The following EXT1 variants were observed in gnomAD, a reference collection of about 807,000 sequenced individuals.
EXT1 encodes exostosin glycosyltransferase 1, also known as exostosin-1.
Under a neutral mutation model 82.5 loss-of-function variants are expected in EXT1, and 20 were observed. The ratio of observed to expected loss-of-function variants is 0.24; its 90% CI spans 0.17 to 0.35. The LOEUF is 0.35. Ranked by LOEUF, EXT1 falls within the 10% of genes least tolerant of loss-of-function variation. The pLI is 1.00. For synonymous variants in EXT1, 348 were observed against 350.8 expected, an observed-to-expected ratio of 0.99 and a Z score of 0.09; for missense variants, 757 against 936.5, an observed-to-expected ratio of 0.81 and a Z score of 2.50.
chr8:117,885,969 G>A (rs1813140804), intron 1 of EXT1, among the ~76,000 whole-genome samples: 1 of 152,144 alleles, frequency 6.6e-6, no homozygotes, highest in Non-Finnish European at 1.5e-5. Flanking sequence ...AGAATTTTGA[G>A]CCTATTGAAC....
chr8:118,109,792 C>T (rs989429546), intron 1 of EXT1, among the ~76,000 whole-genome samples: 4 of 152,104 alleles, frequency 2.6e-5, no homozygotes, highest in African/African-American at 9.7e-5. Flanking sequence ...GATCTAACCC[C>T]GACTCTTAAC....
At position 118,110,073 on chromosome 8, in the gene EXT1, C is replaced by A. The variant is rs748505088; in HGVS notation, c.962+12G>T. On this transcript the variant is annotated intron_variant, in intron 1 of 10. Coordinates refer to ENST00000378204, the MANE Select transcript of EXT1 (RefSeq NM_000127.3). ...GGCTGACTCCCAAAGACACGCCAGC[C>A]CAGACACTTACTTCTCATACTCGGT... 6.2e-7 allele frequency: 1 copy of A among 1,613,730 alleles called. No homozygotes were observed. Among genetic ancestry groups the A allele is most frequent in the South Asian group, 1.1e-5 (1 of 91,004 alleles).
At chr8:118,028,425 T>C (rs1019497535) in intron 1 of EXT1, among the ~76,000 whole-genome samples, 3 of 152,380 alleles carry the variant, frequency 2.0e-5, no homozygotes, top group Admixed American at 1.3e-4. Flanking sequence ...GTGTTTTTTA[T>C]AGAATATAAG....
chr8:118,010,998 G>C (rs544935358), intron 1 of EXT1, among the ~76,000 whole-genome samples: 1 of 152,320 alleles, frequency 6.6e-6, no homozygotes, highest in Admixed American at 6.5e-5. Flanking sequence ...GGAAAGAAGA[G>C]GGGTAAGGAA....
At chr8:118,017,853 A>G (rs1422549714) in intron 1 of EXT1, among the ~76,000 whole-genome samples, 1 of 152,226 alleles carries the variant, frequency 6.6e-6, no homozygotes, top group Non-Finnish European at 1.5e-5. Flanking sequence ...TGTGGAAGGC[A>G]TCTGGACCGA....
chr8:117,956,243 T>C (rs1431707321), intron 1 of EXT1, among the ~76,000 whole-genome samples: 1 of 151,278 alleles, frequency 6.6e-6, no homozygotes, highest in Non-Finnish European at 1.5e-5. Context: ...CGGGCCTGGC[T>C]CTGCCCAGAA....
chr8:118,007,007 T>C (rs899644208), intron 1 of EXT1, among the ~76,000 whole-genome samples: 2 of 152,178 alleles, frequency 1.3e-5, no homozygotes, highest in African/African-American at 2.4e-5. Flanking sequence ...TTAAAAGCAT[T>C]TGATGGCTGG....
chr8:118,052,452 G>A (rs557676191), intron 1 of EXT1, among the ~76,000 whole-genome samples: 1 of 152,106 alleles, frequency 6.6e-6, no homozygotes, highest in Admixed American at 6.5e-5. Flanking sequence ...TCTCATTCCA[G>A]TCCTAACAGC....
At chr8:118,109,685 T>C (rs1294327868) in intron 1 of EXT1, among the ~76,000 whole-genome samples, 1 of 151,996 alleles carries the variant, frequency 6.6e-6, no homozygotes, top group African/African-American at 2.4e-5. Flanking sequence ...TGGTGGAAGG[T>C]CTCTGGACTT....
In EXT1 at chr8:118,020,434, T is replaced by C. The variant is rs1489207389; in HGVS notation, c.962+89651A>G. 2.6e-5 allele frequency among the ~76,000 whole-genome samples: 4 copies of C among 152,264 alleles called. No individual in the cohort carries two copies. In the East Asian group the frequency reaches 5.8e-4, roughly 22 times the overall value. The stretch of plus-strand genomic sequence containing the variant: ...TTATGTAAAATCATAACTATTTTAA[T>C]TGTGTTATTTAAAACACGTTATAGA... On this transcript the variant is annotated intron_variant, in intron 1 of 10. Coordinates refer to ENST00000378204, the MANE Select transcript of EXT1 (RefSeq NM_000127.3).
chr8:118,060,845 T>C (rs1816870153), intron 1 of EXT1, among the ~76,000 whole-genome samples: 1 of 152,224 alleles, frequency 6.6e-6, no homozygotes, highest in South Asian at 2.1e-4. Flanking sequence ...AGTATTATTC[T>C]TCACCAAGAA....
chr8:118,097,960 T>A (rs1462761769), intron 1 of EXT1, among the ~76,000 whole-genome samples: 2 of 152,140 alleles, frequency 1.3e-5, no homozygotes, highest in East Asian at 1.9e-4. Context: ...AGAAGTCAGA[T>A]GCAGCTGGGT....
At chr8:117,815,417 C>T (rs1200965540) in intron 7 of EXT1, among the ~76,000 whole-genome samples, 2 of 152,158 alleles carry the variant, frequency 1.3e-5, no homozygotes, top group Non-Finnish European at 2.9e-5. Flanking sequence ...GAACCTGTTT[C>T]ATCAACAGAA....
rs545260663 is a variant in EXT1, at chr8:117,991,202, C to T, written c.962+118883G>A. The stretch of plus-strand genomic sequence containing the variant: ...CTTGGCTCACTGCAACCTCCACATC[C>T]CAGGTTCAAGCAATTCTTGTGTCTC... On this transcript the variant is annotated intron_variant, in intron 1 of 10. Transcript: ENST00000378204. Among the ~76,000 whole-genome samples the T allele has an allele frequency of 5.3e-5, 8 of 152,116 alleles. No homozygotes were observed. The East Asian group carries it at 1.5e-3, about 29-fold the overall frequency.
At chr8:117,835,884 C>A (rs527444112) in intron 2 of EXT1, among the ~76,000 whole-genome samples, 1 of 152,302 alleles carries the variant, frequency 6.6e-6, no homozygotes, top group East Asian at 1.9e-4. Flanking sequence ...CTCGCACCAA[C>A]AAAATCTGAG....
At chr8:118,099,869 C>A (rs926951080) in intron 1 of EXT1, among the ~76,000 whole-genome samples, 2 of 152,178 alleles carry the variant, frequency 1.3e-5, no homozygotes, top group African/African-American at 4.8e-5. Flanking sequence ...ATGTGCATGC[C>A]AACAGGATAT....
rs779223363 is a variant in EXT1 at position 117,834,356 on chromosome 8, G to C, written c.1164+1088C>G. ...GCGGTGGCTCACACCTGTAATTCCAGCACTTTGGGAGGCTGAGATGGGTGA... is the reference window on the plus strand; with the variant it reads ...GCGGTGGCTCACACCTGTAATTCCACCACTTTGGGAGGCTGAGATGGGTGA... On this transcript the variant is annotated intron_variant, in intron 3 of 10. Coordinates refer to ENST00000378204, the MANE Select transcript of EXT1 (RefSeq NM_000127.3). Among the ~76,000 whole-genome samples the C allele has an allele frequency of 5.3e-5, 8 of 152,166 alleles. No homozygotes were observed. In the East Asian group the frequency reaches 1.5e-3, roughly 29 times the overall value.
At chr8:117,864,472 A>G (rs1237670135) in intron 1 of EXT1, among the ~76,000 whole-genome samples, 1 of 152,228 alleles carries the variant, frequency 6.6e-6, no homozygotes, top group African/African-American at 2.4e-5. Flanking sequence ...AATCGCGATC[A>G]GGAGCAGTGG....
chr8:117,968,185 G>A (rs1485071940), intron 1 of EXT1, among the ~76,000 whole-genome samples: 1 of 151,968 alleles, frequency 6.6e-6, no homozygotes, highest in South Asian at 2.1e-4. Flanking sequence ...AGCTGACTGT[G>A]GCCTCCATCT....
Sources: gnomAD v4.1 joint callset for allele counts (sites outside exome capture counted in the v4.1 genomes callset) on GRCh38, gnomAD v4.1.1 for gene constraint, MANE v1.5 for transcripts, NCBI Gene and HGNC (gene_info 2026-07-23, HGNC 2026-07-21) for gene names.